The following PTPRD variants were observed in gnomAD, a reference collection of about 807,000 sequenced individuals.
The protein encoded by PTPRD is receptor-type tyrosine-protein phosphatase delta.
A neutral mutation model predicts 214.5 loss-of-function variants in PTPRD; 34 were observed. The observed-to-expected ratio is 0.16, with a 90% CI of 0.12 to 0.21. The LOEUF (loss-of-function observed/expected upper bound fraction) is 0.21. PTPRD is among the 10% of genes least tolerant of loss of function. The probability of loss-of-function intolerance (pLI) is 1.00; values close to 1 mark genes in which losing one functional copy is unlikely to be tolerated. For synonymous variants in PTPRD, 1,128 were observed against 845.7 expected (o/e 1.33, Z -5.79); for missense variants, 2,545 against 2,398.7 (o/e 1.06, Z -1.27).
chr9:9,507,319 G>C (rs1275905742), intron 8 of PTPRD, among the ~76,000 whole-genome samples: 1 of 151,120 alleles, frequency 6.6e-6, no homozygotes, highest in Non-Finnish European at 1.5e-5. Flanking sequence ...TATATATTAA[G>C]AATGCTACCT....
At chr9:8,528,183 T>C (rs2074704794) in intron 15 of PTPRD, 1 of 388,192 alleles carries the variant, frequency 2.6e-6, no homozygotes, top group African/African-American at 2.1e-5. Flanking sequence ...TTTTATTTTT[T>C]AATGGATACA....
At chr9:8,689,796 T>C (rs1485992037) in intron 12 of PTPRD, among the ~76,000 whole-genome samples, 1 of 152,190 alleles carries the variant, frequency 6.6e-6, no homozygotes, top group Non-Finnish European at 1.5e-5. Context: ...GAAGAGGGAA[T>C]ACTTATTTGG....
intron 10 of PTPRD, among the ~76,000 whole-genome samples, chr9:9,079,500 T>G (rs1389851642): frequency 6.6e-6 from 1 of 152,090 alleles, no homozygotes; most frequent in East Asian, 1.9e-4. Flanking sequence ...CTTCTTTGCT[T>G]TGGATAGATT....
chr9:8,916,360 C>A (rs1241061773), intron 11 of PTPRD, among the ~76,000 whole-genome samples: 1 of 151,870 alleles, frequency 6.6e-6, no homozygotes, highest in Non-Finnish European at 1.5e-5. Context: ...GAAACATGAC[C>A]CTGCCAACAA....
chr9:10,023,514 C>A (rs1005849953), intron 4 of PTPRD, among the ~76,000 whole-genome samples: 1 of 152,138 alleles, frequency 6.6e-6, no homozygotes, highest in Admixed American at 6.5e-5. Flanking sequence ...TGTGTTTGTA[C>A]CATCAAATAT....
chr9:8,835,407 G>A (rs1229639894), intron 11 of PTPRD, among the ~76,000 whole-genome samples: 1 of 152,230 alleles, frequency 6.6e-6, no homozygotes, highest in African/African-American at 2.4e-5. Context: ...TTCTTGCCCA[G>A]AGAGTCGGCT....
intron 5 of PTPRD, among the ~76,000 whole-genome samples, chr9:9,821,498 A>G (rs1465901984): frequency 6.6e-6 from 1 of 152,166 alleles, no homozygotes; most frequent in Non-Finnish European, 1.5e-5. Context: ...TAGTTATATA[A>G]AGACTGTCAT....
At chr9:8,327,393 G>C (rs1834976851) in intron 44 of PTPRD, among the ~76,000 whole-genome samples, 2 of 151,958 alleles carry the variant, frequency 1.3e-5, no homozygotes, top group African/African-American at 4.8e-5. Flanking sequence ...ACTGTGGTCT[G>C]AGAGACTGTT....
At chr9:9,608,028 G>A (rs1426619710) in intron 7 of PTPRD, among the ~76,000 whole-genome samples, 2 of 152,162 alleles carry the variant, frequency 1.3e-5, no homozygotes, top group Admixed American at 1.3e-4. Flanking sequence ...AGACTCCACT[G>A]CTTACTAGGC....
At chr9:9,924,838 T>C (rs749703420) in intron 5 of PTPRD, among the ~76,000 whole-genome samples, 1 of 152,092 alleles carries the variant, frequency 6.6e-6, no homozygotes, top group Non-Finnish European at 1.5e-5. Context: ...ATCTCTACTT[T>C]TTATGAAATT....
At chr9:9,468,962 G>A (rs995345399) in intron 8 of PTPRD, among the ~76,000 whole-genome samples, 1 of 152,042 alleles carries the variant, frequency 6.6e-6, no homozygotes, top group African/African-American at 2.4e-5. Flanking sequence ...AATCTCACAG[G>A]GAAACTGTAC....
chr9:8,510,604 A>T (rs769983036), intron 21 of PTPRD, among the ~76,000 whole-genome samples: 28 of 152,220 alleles, frequency 1.8e-4, no homozygotes, highest in Non-Finnish European at 3.2e-4. Flanking sequence ...TGTATGGGGC[A>T]AAATGTGTCT....
At chr9:8,931,819 T>C (rs1388602364) in intron 11 of PTPRD, among the ~76,000 whole-genome samples, 1 of 152,168 alleles carries the variant, frequency 6.6e-6, no homozygotes. Context: ...TGGTAGGCTA[T>C]TGACTACTGC....
intron 11 of PTPRD, among the ~76,000 whole-genome samples, chr9:8,757,197 C>A (rs1395667278): frequency 6.6e-6 from 1 of 152,040 alleles, no homozygotes; most frequent in African/African-American, 2.4e-5. Flanking sequence ...TTTCTCAGAT[C>A]ATGCTAATAC....
intron 2 of PTPRD, among the ~76,000 whole-genome samples, chr9:10,479,465 C>G (rs79592404): frequency 0.02 from 3,049 of 151,948 alleles, 103 homozygotes; most frequent in African/African-American, 0.068. Flanking sequence ...GTACTCTAAC[C>G]CGGCACGACT....
At chr9:10,525,588 T>C (rs1380245089) in intron 2 of PTPRD, among the ~76,000 whole-genome samples, 2 of 152,154 alleles carry the variant, frequency 1.3e-5, no homozygotes, top group Admixed American at 6.6e-5. Context: ...CTTTATTGTC[T>C]TACTTCAGAG....
At chr9:8,706,111 A>C (rs1267631733) in intron 12 of PTPRD, among the ~76,000 whole-genome samples, 5 of 152,234 alleles carry the variant, frequency 3.3e-5, no homozygotes, top group African/African-American at 9.6e-5. Context: ...AAAAGAAGCC[A>C]ATTATGAATT....
At chr9:8,320,668 T>TG (rs1212230290) in intron 44 of PTPRD, among the ~76,000 whole-genome samples, 3 of 152,132 alleles carry the variant, frequency 2.0e-5, no homozygotes, top group Non-Finnish European at 4.4e-5. Flanking sequence ...AAAAAATGGT[T>TG]AAGAGCCATT....
chr9:10,189,266 GA>G (rs1201184119), intron 3 of PTPRD, among the ~76,000 whole-genome samples: 4 of 152,166 alleles, frequency 2.6e-5, no homozygotes, highest in African/African-American at 7.2e-5. Flanking sequence ...CTTTTAGGGT[GA>G]CTCCAGCTGC....
Sources: gnomAD v4.1 joint callset for allele counts (sites outside exome capture counted in the v4.1 genomes callset) on GRCh38, gnomAD v4.1.1 for gene constraint, MANE v1.5 for transcripts, NCBI Gene and HGNC (gene_info 2026-07-23, HGNC 2026-07-21) for gene names.